Variants in RALGAPA1 observed in about 807,000 individuals in gnomAD.
The protein encoded by RALGAPA1 is ral GTPase-activating protein subunit alpha-1.
In RALGAPA1, 52 loss-of-function variants were observed where a neutral mutation model predicts 269.6. That is an observed-to-expected ratio of 0.19 (90% confidence interval 0.15 to 0.24). RALGAPA1 has a LOEUF of 0.24. RALGAPA1 is among the 10% of genes least tolerant of loss of function. The pLI, the probability that RALGAPA1 is intolerant of heterozygous loss-of-function variation, is 1.00. For missense variants in RALGAPA1, 1,917 were observed against 3,013.9 expected, an observed-to-expected ratio of 0.64 and a Z score of 8.52; for synonymous variants, 817 against 1,008.3, an observed-to-expected ratio of 0.81 and a Z score of 3.60.
At chr14:35,560,013 AT>A (rs1439937665) in intron 39 of RALGAPA1, among the ~76,000 whole-genome samples, 1 of 152,244 alleles carries the variant, frequency 6.6e-6, no homozygotes, top group African/African-American at 2.4e-5. Context: ...AATACTGGCT[AT>A]TAGCCTGGCA....
chr14:35,684,747 G>A lies in RALGAPA1; in HGVS notation c.4294+182C>T, dbSNP rs12586757. Among the ~76,000 whole-genome samples, 2,032 of 152,176 alleles carry A rather than the reference G, an allele frequency of 0.013. 72 individuals carry two copies. In the South Asian group the frequency reaches 0.14, roughly 11 times the overall value. ...GACGCAGGAGGACTGCTTCAGGCCAGGAGTTCAAGACTAGCCCAGACAACA... is the reference window on the plus strand; with the variant it reads ...GACGCAGGAGGACTGCTTCAGGCCAAGAGTTCAAGACTAGCCCAGACAACA... On this transcript the variant is annotated intron_variant, in intron 20 of 41. Transcript: ENST00000680220.
chr14:35,665,055 T>C (rs1388360781), intron 26 of RALGAPA1, among the ~76,000 whole-genome samples: 2 of 152,180 alleles, frequency 1.3e-5, no homozygotes, highest in African/African-American at 4.8e-5. Flanking sequence ...CAATTCACCC[T>C]AATAAGTAAA....
intron 12 of RALGAPA1, among the ~76,000 whole-genome samples, chr14:35,737,002 C>T (rs2071062773): frequency 6.7e-6 from 1 of 148,872 alleles, no homozygotes; most frequent in Admixed American, 6.7e-5. Context: ...TGCCACTGCA[C>T]TCTAGCCTGG....
chr14:35,659,981 C>T (rs968040190), intron 27 of RALGAPA1, among the ~76,000 whole-genome samples: 2 of 151,982 alleles, frequency 1.3e-5, no homozygotes, highest in East Asian at 3.8e-4. Context: ...AATACGACAT[C>T]CTTTCATGAT....
At chr14:35,652,364 T>TTATATATATATATATATATATATATA (rs10645179) in intron 30 of RALGAPA1, among the ~76,000 whole-genome samples, 1 of 147,894 alleles carries the variant, frequency 6.8e-6, no homozygotes, top group African/African-American at 2.5e-5. Context: ...GGCCTTTTGT[T>TTATATATATATATATATATATATATA]TATATATATA....
chr14:35,741,682 A>C (rs1246848879), intron 11 of RALGAPA1, among the ~76,000 whole-genome samples: 1 of 152,158 alleles, frequency 6.6e-6, no homozygotes, highest in East Asian at 1.9e-4. Context: ...AAAACAGATA[A>C]ATCACTTTCA....
At chr14:35,552,085 T>C (rs965201668) in intron 39 of RALGAPA1, among the ~76,000 whole-genome samples, 2 of 152,160 alleles carry the variant, frequency 1.3e-5, no homozygotes, top group Admixed American at 1.3e-4. Flanking sequence ...AAATGATCTT[T>C]ATAAGTTTCC....
At chr14:35,588,867 A>G (rs1416595253) in intron 37 of RALGAPA1, among the ~76,000 whole-genome samples, 1 of 152,230 alleles carries the variant, frequency 6.6e-6, no homozygotes, top group Non-Finnish European at 1.5e-5. Flanking sequence ...GAGTCCATCA[A>G]TTGATGAATG....
rs148051696 is a variant in RALGAPA1 at position 35,694,949 on chromosome 14, G to A, written c.2408-4946C>T. Among the ~76,000 whole-genome samples, 11 of 152,096 alleles carry A rather than the reference G, an allele frequency of 7.2e-5. No homozygotes were observed. In the East Asian group the frequency reaches 1.7e-3, roughly 24 times the overall value. On this transcript the variant is annotated intron_variant, in intron 17 of 41. Coordinates refer to ENST00000680220, the MANE Select transcript of RALGAPA1 (RefSeq NM_001346249.2). The stretch of plus-strand genomic sequence containing the variant: ...AAAAAAATTAGCTAGGCATGGTGGC[G>A]GACTTCTGTAGTCCCAGCTACTCGG...
intron 41 of RALGAPA1, among the ~76,000 whole-genome samples, chr14:35,545,017 A>G (rs2054327464): frequency 1.3e-5 from 2 of 152,328 alleles, no homozygotes; most frequent in East Asian, 1.9e-4. Context: ...ACTGCACTCC[A>G]GCCTCTGTCT....
intron 1 of RALGAPA1, among the ~76,000 whole-genome samples, chr14:35,794,253 T>C (rs2076397409): frequency 6.6e-6 from 1 of 152,092 alleles, no homozygotes; most frequent in Non-Finnish European, 1.5e-5. Flanking sequence ...GGCGGTCAGA[T>C]AACTTGAGCC....
intron 31 of RALGAPA1, among the ~76,000 whole-genome samples, chr14:35,635,930 G>A (rs544801519): frequency 6.6e-6 from 1 of 152,232 alleles, no homozygotes; most frequent in East Asian, 1.9e-4. Context: ...GAACACAAAT[G>A]GAAGTCCATA....
chr14:35,681,190 G>T (rs1418772818), intron 21 of RALGAPA1, among the ~76,000 whole-genome samples: 1 of 152,110 alleles, frequency 6.6e-6, no homozygotes, highest in East Asian at 1.9e-4. Flanking sequence ...TTCACTCTTG[G>T]AAAATACTGT....
intron 20 of RALGAPA1, among the ~76,000 whole-genome samples, chr14:35,684,685 A>G (rs1374420653): frequency 6.6e-6 from 1 of 152,172 alleles, no homozygotes; most frequent in Non-Finnish European, 1.5e-5. Flanking sequence ...GCCAAGAATG[A>G]TGCCTTGCAC....
At position 35,548,880 on chromosome 14, in the gene RALGAPA1, C is replaced by T. The variant is rs529670133; in HGVS notation, c.7621+230G>A. Among the ~76,000 whole-genome samples, 13 of 152,130 alleles carry T rather than the reference C, an allele frequency of 8.5e-5. No homozygotes were observed. The South Asian group carries it at 1.2e-3, about 15-fold the overall frequency. On this transcript the variant is annotated intron_variant, in intron 40 of 41. Transcript: ENST00000680220. The stretch of plus-strand genomic sequence containing the variant: ...ATGCAAGAGTCATTGAATATTAGCT[C>T]ATATAAAATGTGGTACATGTACTTT...
chr14:35,595,142 C>T (rs1269176220), intron 37 of RALGAPA1, among the ~76,000 whole-genome samples: 1 of 150,324 alleles, frequency 6.7e-6, no homozygotes, highest in Admixed American at 6.6e-5. Context: ...ACAGTGGTTA[C>T]CAGGGGTGGA....
chr14:35,763,442 A>G (rs1366611072), intron 4 of RALGAPA1, among the ~76,000 whole-genome samples: 2 of 152,144 alleles, frequency 1.3e-5, no homozygotes, highest in African/African-American at 4.8e-5. Context: ...ATCATTTCAA[A>G]AAATATTTTT....
At chr14:35,679,671 T>C (rs941685060) in intron 21 of RALGAPA1, among the ~76,000 whole-genome samples, 2 of 152,114 alleles carry the variant, frequency 1.3e-5, no homozygotes, top group African/African-American at 4.8e-5. Context: ...AAATTGTAAG[T>C]TGTTAATTAT....
At chr14:35,638,400 T>C (rs2139790199) in intron 31 of RALGAPA1, among the ~76,000 whole-genome samples, 1 of 152,302 alleles carries the variant, frequency 6.6e-6, no homozygotes, top group East Asian at 1.9e-4. Context: ...AAGTTGGCAT[T>C]AGTTTAAAAT....
Sources: allele counts gnomAD v4.1 joint callset (sites outside exome capture counted in the v4.1 genomes callset), GRCh38; gene constraint gnomAD v4.1.1; transcripts MANE v1.5; gene names NCBI Gene and HGNC (gene_info 2026-07-23, HGNC 2026-07-21).